TBRG4: variants seen among roughly 807,000 people sequenced by gnomAD.
The protein encoded by TBRG4 is FAST kinase domain-containing protein 4.
Under a neutral mutation model 65.6 loss-of-function variants are expected in TBRG4, and 43 were observed. The ratio of observed to expected loss-of-function variants is 0.66; its 90% CI spans 0.51 to 0.85. The LOEUF is 0.85. Among genes scored for constraint, TBRG4 ranks in the 40% least tolerant of loss-of-function variants. The probability of loss-of-function intolerance (pLI) is 0.00; values close to 1 mark genes in which losing one functional copy is unlikely to be tolerated. For synonymous variants in TBRG4, 366 were observed against 341.4 expected, an observed-to-expected ratio of 1.07 and a Z score of -0.79; for missense variants, 709 against 787.9, an observed-to-expected ratio of 0.90 and a Z score of 1.20.
At position 45,101,332 on chromosome 7, in the gene TBRG4, G is replaced by T. The variant is rs760930055; in HGVS notation, c.1720C>A (p.Arg574=). ...AAGCGACCCAGCAAGTCCTTGCTTC[G>T]GCTGTTGAAGTTGGGGAACTCCCAC... ...LRWEFPNFNS[R]SKDLLGRFVL... The change falls in exon 10 of 11, where the codon CGA becomes AGA. Residue 574 remains arginine, a synonymous_variant. Coordinates refer to ENST00000258770, the MANE Select transcript of TBRG4 (RefSeq NM_004749.4). 2.5e-6 allele frequency: 4 copies of T among 1,613,998 alleles called. 1 individual carries two copies. The highest frequency in any genetic ancestry group is 3.4e-6 in the Non-Finnish European group (4 of 1,180,018).
chr7:45,103,904 G>C, intron 5 of TBRG4, 195 bp downstream of exon 5: 1 of 758,912 alleles, frequency 1.3e-6, no homozygotes. Flanking sequence ...TGAAAGAACA[G>C]AGGAAACAGT....
In TBRG4 at chr7:45,103,842, T is replaced by C. The variant is rs112162236; in HGVS notation, c.1065+257A>G. The stretch of plus-strand genomic sequence containing the variant: ...GGATTCTCAGTCTCATCAGCCATGC[T>C]GCTACCTGCTACAGCTACCCCAAAA... On this transcript the variant is annotated intron_variant, in intron 5 of 10. Coordinates refer to ENST00000258770, the MANE Select transcript of TBRG4 (RefSeq NM_004749.4). 1.1e-3 allele frequency: 621 copies of C among 568,022 alleles called. 7 individuals are homozygous for C. Among genetic ancestry groups the C allele is most frequent in the African/African-American group, 0.011 (576 of 53,490 alleles). 35.2% of individuals were successfully genotyped at this position (568,022 alleles called of 1,614,324 possible). A position where few individuals can be genotyped will look rare whatever the true frequency, so the allele number is the denominator to read the frequency against.
At position 45,100,356 on chromosome 7, in the gene TBRG4, C is replaced by A. The variant is rs776622833; in HGVS notation, c.1865G>T (p.Arg622Leu). Residue 622 changes from arginine to leucine, a missense_variant, in exon 11 of 11, where the codon CGC (arginine) becomes CTC (leucine). Arg to Leu is a moderately radical substitution (Grantham distance 102). Transcript: ENST00000258770. The stretch of plus-strand genomic sequence containing the variant: ...GGCCAGCTCCTCAGCCACCGCTTTG[C>A]GCATCTTGTCCTTGAGGTAGGCGCC... Reference protein sequence around the residue: ...QKGAYLKDKMRKAVAEELAK With the variant: ...QKGAYLKDKMLKAVAEELAK 5.0e-6 allele frequency: 8 copies of A among 1,614,186 alleles called. No homozygotes were observed. Among genetic ancestry groups the A allele is most frequent in the Middle Eastern group, 1.7e-4 (1 of 6,060 alleles).
Position 45,109,143 on chromosome 7 carries a change from G to C in TBRG4, c.95C>G (p.Ala32Gly), listed in dbSNP as rs139930039. The stretch of plus-strand genomic sequence containing the variant: ...AGTCAGAGTCTTATGGGCTACCCAG[G>C]CAAGTCTCAGTCGGCCAACTGGAGC... The part of the protein sequence containing the change: ...AMAPVGRLRL[A>G]WVAHKTLTSS... The change falls in exon 2 of 11, where the codon GCC becomes GGC. Residue 32 changes from alanine (A) to glycine (G), a missense_variant. Coordinates refer to ENST00000258770, the MANE Select transcript of TBRG4 (RefSeq NM_004749.4). The C allele has an allele frequency of 1.6e-4, 258 of 1,614,048 alleles. No homozygotes were observed. The highest frequency in any genetic ancestry group is 2.1e-4 in the Non-Finnish European group (243 of 1,180,028).
intron 1 of TBRG4, among the ~76,000 whole-genome samples, chr7:45,111,213 G>C (rs1584037907): frequency 1.3e-5 from 2 of 152,292 alleles, no homozygotes; most frequent in East Asian, 3.9e-4. Flanking sequence ...GCCTCCCAAA[G>C]TGCTGGGATT....
intron 7 of TBRG4, 108 bp downstream of exon 7, chr7:45,102,239 G>C: frequency 6.4e-7 from 1 of 1,561,988 alleles, no homozygotes; most frequent in Admixed American, 1.8e-5. Context: ...GGAGAGCGAG[G>C]GGGAGGGAGA....
chr7:45,103,155 T>G, intron 6 of TBRG4, 178 bp downstream of exon 6: 1 of 618,234 alleles, frequency 1.6e-6, no homozygotes, highest in Non-Finnish European at 2.9e-6. Context: ...CAGGATTTCA[T>G]GTGTTCTCAG....
In TBRG4 at chr7:45,105,485, C is replaced by G; in HGVS notation, c.691G>C (p.Val231Leu). 1 of 1,613,560 alleles carries G rather than the reference C, an allele frequency of 6.2e-7. No homozygotes were observed. Among genetic ancestry groups the G allele is most frequent in the Non-Finnish European group, 8.5e-7 (1 of 1,179,610 alleles). ...SHTLVTVMMK[V>L]GHLSEPLMNR... ...ATTAGTGGCTCCGAGAGGTGTCCCA[C>G]CTTCATCATGACGGTCACTAATGTG... The change falls in exon 3 of 11, where the codon GTG (valine) becomes CTG (leucine). Residue 231 changes from valine to leucine, a missense_variant. Val to Leu is a conservative substitution (Grantham distance 32). Transcript: ENST00000258770.
At chr7:45,105,017 C>T (rs145978581) in intron 3 of TBRG4, 9,905 of 727,440 alleles carry the variant, frequency 0.014, 110 homozygotes, top group Middle Eastern at 0.03. Flanking sequence ...ATGACAGAAA[C>T]GGGCACTGAA....
At chr7:45,108,728 G>A in intron 2 of TBRG4, 99 bp downstream of exon 2, 4 of 931,174 alleles carry the variant, frequency 4.3e-6, no homozygotes, top group Non-Finnish European at 6.2e-6. Context: ...GAGATGCAAG[G>A]CCCCTGTCTA....
At chr7:45,102,859 G>A (rs1784811947) in intron 6 of TBRG4, among the ~76,000 whole-genome samples, 1 of 152,226 alleles carries the variant, frequency 6.6e-6, no homozygotes, top group African/African-American at 2.4e-5. Flanking sequence ...TCTGAGAGAT[G>A]AGAGCATCCA....
chr7:45,104,279 G>C (rs1442800270), intron 4 of TBRG4, 23 bp from the exon 5 acceptor site: 12 of 1,613,000 alleles, frequency 7.4e-6, no homozygotes, highest in Non-Finnish European at 1.0e-5. Context: ...GCAGATCACA[G>C]GGTTTAGCTG....
chr7:45,111,459 A>T, intron 1 of TBRG4, 184 bp downstream of exon 1: 1 of 618,370 alleles, frequency 1.6e-6, no homozygotes, highest in Non-Finnish European at 2.4e-6. Context: ...CGCGCGGGCT[A>T]GAGAGGAAGC....
At chr7:45,109,804 C>T (rs1785075458) in intron 1 of TBRG4, among the ~76,000 whole-genome samples, 1 of 151,756 alleles carries the variant, frequency 6.6e-6, no homozygotes. Flanking sequence ...TGGTGAAACC[C>T]CATCTTTACT....
chr7:45,103,229 C>T (rs1030017910), intron 6 of TBRG4, 104 bp downstream of exon 6: 18 of 914,922 alleles, frequency 2.0e-5, no homozygotes, highest in Non-Finnish European at 3.0e-5. Context: ...CATAGTGGCC[C>T]CTCCCGCCTC....
chr7:45,101,019 A>G (rs1267699033), intron 10 of TBRG4, among the ~76,000 whole-genome samples: 2 of 152,244 alleles, frequency 1.3e-5, no homozygotes, highest in African/African-American at 4.8e-5. Flanking sequence ...CTTAAGCTGA[A>G]TAAGCAGGCT....
chr7:45,108,345 A>G (rs1435881334), intron 2 of TBRG4, among the ~76,000 whole-genome samples: 2 of 152,188 alleles, frequency 1.3e-5, no homozygotes, highest in East Asian at 3.8e-4. Flanking sequence ...GTGCCACACA[A>G]ATGGGTCTTG....
At chr7:45,105,392 A>G in intron 3 of TBRG4, 49 bp downstream of exon 3, 1 of 1,546,686 alleles carries the variant, frequency 6.5e-7, no homozygotes, top group Non-Finnish European at 8.7e-7. Flanking sequence ...GAACAAGCCC[A>G]AAGCCCAGGG....
intron 4 of TBRG4, 78 bp from the exon 5 acceptor site, chr7:45,104,334 C>A: frequency 6.2e-7 from 1 of 1,601,164 alleles, no homozygotes; most frequent in East Asian, 2.2e-5. Context: ...ACCTCAGCCT[C>A]GAGGTCTAGA....
Sources: allele counts gnomAD v4.1 joint callset (sites outside exome capture counted in the v4.1 genomes callset), GRCh38; gene constraint gnomAD v4.1.1; transcripts MANE v1.5; gene names NCBI Gene and HGNC (gene_info 2026-07-23, HGNC 2026-07-21).